CNBD1: variants seen among roughly 807,000 people sequenced by gnomAD.
CNBD1 encodes the protein cyclic nucleotide-binding domain-containing protein 1.
A neutral mutation model predicts 54.4 loss-of-function variants in CNBD1; 71 were observed. The ratio of observed to expected loss-of-function variants is 1.30; its 90% CI spans 1.08 to 1.59. CNBD1 has a LOEUF of 1.59. Ranked by LOEUF, CNBD1 falls within the 40% of genes most tolerant of loss-of-function variation. The pLI, the probability that CNBD1 is intolerant of heterozygous loss-of-function variation, is 0.00. For synonymous variants in CNBD1, 182 were observed against 170.7 expected (o/e 1.07, Z -0.51); for missense variants, 659 against 518.0 (o/e 1.27, Z -2.64).
chr8:87,227,033 G>A (rs1814515607), intron 5 of CNBD1, among the ~76,000 whole-genome samples: 1 of 150,882 alleles, frequency 6.6e-6, no homozygotes, highest in Non-Finnish European at 1.5e-5. Context: ...TTGGTTTGAA[G>A]TCTGTTTTAT....
intron 2 of CNBD1, among the ~76,000 whole-genome samples, chr8:87,416,493 G>A (rs76457131): frequency 0.013 from 1,905 of 152,038 alleles, 40 homozygotes; most frequent in African/African-American, 0.039. Flanking sequence ...GAAAAACAAC[G>A]GCTCCAATCA....
intron 8 of CNBD1, among the ~76,000 whole-genome samples, chr8:87,327,633 G>A (rs1321547927): frequency 6.6e-6 from 1 of 152,164 alleles, no homozygotes; most frequent in East Asian, 1.9e-4. Flanking sequence ...CGCTTCCCAG[G>A]TGAGGCAGTG....
intron 2 of CNBD1, among the ~76,000 whole-genome samples, chr8:87,390,081 T>G (rs1188537952): frequency 1.3e-5 from 2 of 150,886 alleles, no homozygotes; most frequent in Admixed American, 6.6e-5. Context: ...TCCTTACACC[T>G]TATACAAAAA....
At chr8:87,186,703 TTTAAC>T (rs1305454485) in intron 4 of CNBD1, among the ~76,000 whole-genome samples, 1 of 152,048 alleles carries the variant, frequency 6.6e-6, no homozygotes, top group Non-Finnish European at 1.5e-5. Flanking sequence ...GAATTCTTAT[TTTAAC>T]TTATTTATTT....
intron 1 of CNBD1, among the ~76,000 whole-genome samples, chr8:86,886,561 A>G (rs1210858080): frequency 1.3e-5 from 2 of 152,194 alleles, no homozygotes; most frequent in African/African-American, 2.4e-5. Context: ...ATTAAAACCA[A>G]TTTGTTATTG....
chr8:87,278,515 C>G (rs1424510063), intron 6 of CNBD1, among the ~76,000 whole-genome samples: 2 of 151,498 alleles, frequency 1.3e-5, no homozygotes, highest in Non-Finnish European at 1.5e-5. Flanking sequence ...ATTTTTAAAG[C>G]ATTCAGGAAA....
rs1430093711 is a variant in CNBD1, at chr8:86,884,170, AC to A, written c.89-3371del. 1.4e-3 allele frequency among the ~76,000 whole-genome samples: 205 copies of A among 148,494 alleles called. 1 individual carries two copies. Among genetic ancestry groups the A allele is most frequent in the African/African-American group, 4.9e-3 (194 of 39,662 alleles). The stretch of plus-strand genomic sequence containing the variant: ...CCGTCTCAAAACAAAACAAAACAAA[AC>A]AAAACAAAAAAACCTTGCCCCTTTC... On this transcript the variant is annotated intron_variant, in intron 1 of 10. Coordinates refer to ENST00000518476, the MANE Select transcript of CNBD1 (RefSeq NM_173538.3).
intron 4 of CNBD1, among the ~76,000 whole-genome samples, chr8:87,051,605 A>G (rs990439928): frequency 1.3e-5 from 2 of 152,226 alleles, no homozygotes; most frequent in Admixed American, 1.3e-4. Flanking sequence ...TGGGAAACAA[A>G]GGGATGGGCT....
At chr8:87,368,584 C>A (rs1448905187) in intron 10 of CNBD1, among the ~76,000 whole-genome samples, 1 of 151,714 alleles carries the variant, frequency 6.6e-6, no homozygotes. Flanking sequence ...CTGCAGTGAG[C>A]TATGATCAAG....
chr8:87,072,216 T>C (rs1369759450), intron 4 of CNBD1, among the ~76,000 whole-genome samples: 2 of 152,168 alleles, frequency 1.3e-5, no homozygotes, highest in African/African-American at 4.8e-5. Flanking sequence ...GCGTGTAAGA[T>C]GTGTCCCTTG....
chr8:87,335,814 T>A (rs372457627), intron 8 of CNBD1, among the ~76,000 whole-genome samples: 1 of 152,298 alleles, frequency 6.6e-6, no homozygotes, highest in African/African-American at 2.4e-5. Context: ...GGTCTTTATA[T>A]TTTTTGTGTG....
At chr8:87,138,965 A>G (rs762397415) in intron 4 of CNBD1, among the ~76,000 whole-genome samples, 22 of 152,224 alleles carry the variant, frequency 1.4e-4, no homozygotes, top group South Asian at 4.1e-4. Flanking sequence ...CCATGAATGC[A>G]TCATTTGAAT....
At chr8:86,911,752 A>T (rs1387871262) in intron 3 of CNBD1, among the ~76,000 whole-genome samples, 1 of 152,180 alleles carries the variant, frequency 6.6e-6, no homozygotes, top group Non-Finnish European at 1.5e-5. Context: ...AAATGATAAA[A>T]TAATTCAATA....
chr8:87,046,757 C>A (rs1455873283), intron 4 of CNBD1, among the ~76,000 whole-genome samples: 8 of 152,150 alleles, frequency 5.3e-5, no homozygotes, highest in African/African-American at 1.9e-4. Flanking sequence ...TGGGAAGGAT[C>A]CTGCTGACAG....
At chr8:87,079,451 TCA>T (rs1262449571) in intron 4 of CNBD1, among the ~76,000 whole-genome samples, 1 of 152,130 alleles carries the variant, frequency 6.6e-6, no homozygotes, top group Non-Finnish European at 1.5e-5. Context: ...TATGAGAGTC[TCA>T]GTTACCTTCA....
intron 6 of CNBD1, among the ~76,000 whole-genome samples, chr8:87,247,565 C>G (rs977469153): frequency 1.3e-5 from 2 of 152,150 alleles, no homozygotes; most frequent in African/African-American, 4.8e-5. Context: ...ATGTGTCACA[C>G]AAGTAAGCAA....
chr8:86,954,417 A>T (rs1440899388), intron 4 of CNBD1, among the ~76,000 whole-genome samples: 2 of 152,244 alleles, frequency 1.3e-5, no homozygotes, highest in Non-Finnish European at 2.9e-5. Context: ...CAGAAAAACC[A>T]AATAATACTC....
intron 5 of CNBD1, among the ~76,000 whole-genome samples, chr8:87,211,352 A>G (rs1268113019): frequency 6.6e-6 from 1 of 152,160 alleles, no homozygotes; most frequent in African/African-American, 2.4e-5. Flanking sequence ...GGAGCAAGTT[A>G]AGACTTTTGG....
chr8:87,284,633 T>C (rs781213264), intron 6 of CNBD1, 45 bp from the exon 7 acceptor site: 4 of 1,525,842 alleles, frequency 2.6e-6, no homozygotes, highest in East Asian at 2.3e-5. Context: ...ATTTTCATGT[T>C]GATGAGTGGT....
Sources: gnomAD v4.1 joint callset for allele counts (sites outside exome capture counted in the v4.1 genomes callset) on GRCh38, gnomAD v4.1.1 for gene constraint, MANE v1.5 for transcripts, NCBI Gene and HGNC (gene_info 2026-07-23, HGNC 2026-07-21) for gene names.